OVCH2: variants seen among roughly 807,000 people sequenced by gnomAD.
OVCH2 encodes ovochymase-2.
In OVCH2, 88 loss-of-function variants were observed where a neutral mutation model predicts 73.7. The ratio of observed to expected loss-of-function variants is 1.19; its 90% CI spans 1.01 to 1.43. OVCH2 has a LOEUF of 1.43. Ranked by LOEUF, OVCH2 falls within the 40% of genes most tolerant of loss-of-function variation. The pLI is 0.00. For synonymous variants in OVCH2, 265 were observed against 234.5 expected (o/e 1.13, Z -1.19); for missense variants, 706 against 674.5 (o/e 1.05, Z -0.52).
chr11:7,703,607 C>T, intron 3 of OVCH2, 91 bp downstream of exon 3: 3 of 1,016,050 alleles, frequency 3.0e-6, no homozygotes, highest in Non-Finnish European at 4.2e-6. Flanking sequence ...ACCTATCACA[C>T]AGGTCCATGT....
intron 12 of OVCH2, among the ~76,000 whole-genome samples, 182 bp downstream of exon 12, chr11:7,694,876 G>A (rs929897818): frequency 2.0e-5 from 3 of 149,740 alleles, no homozygotes; most frequent in African/African-American, 4.9e-5. Flanking sequence ...TAGTTGCAGG[G>A]GAAACTGGGC....
At chr11:7,695,944 T>A (rs4132089) in intron 10 of OVCH2, among the ~76,000 whole-genome samples, 3 of 152,232 alleles carry the variant, frequency 2.0e-5, no homozygotes, top group South Asian at 4.1e-4. Context: ...ATTCCTGCCC[T>A]TGTGACAACT....
chr11:7,701,349 G>A lies in OVCH2; in HGVS notation c.686C>T (p.Pro229Leu), dbSNP rs930255939. 1.2e-6 allele frequency: 2 copies of A among 1,613,126 alleles called. No individual in the cohort carries two copies. The highest frequency in any genetic ancestry group is 8.5e-7 in the Non-Finnish European group (1 of 1,179,632). ...CTGACATGCGTCTCTCCCTCCATCA[G>A]GAAAACCTGTGCAAAGAAAGGTCTT... ...SGKTFLCTGF[P>L]DGGRDACQGD... Residue 229 changes from proline (P) to leucine (L), a missense_variant, in exon 6 of 16, where the codon CCT (proline) becomes CTT (leucine). By Grantham distance (98) the Pro-to-Leu change is moderately conservative. Coordinates refer to ENST00000533663, the MANE Select transcript of OVCH2 (RefSeq NM_198185.7).
downstream of OVCH2, among the ~76,000 whole-genome samples, chr11:7,686,329 T>C (rs538710712): frequency 6.6e-6 from 1 of 152,308 alleles, no homozygotes; most frequent in South Asian, 2.1e-4. Context: ...AGTTAATTCA[T>C]ATGCAACGTT....
chr11:7,703,566 A>G, intron 3 of OVCH2, 132 bp downstream of exon 3: 2 of 657,786 alleles, frequency 3.0e-6, no homozygotes, highest in South Asian at 2.4e-5. Flanking sequence ...GTGTCATGCA[A>G]TTAGGATATT....
At chr11:7,679,760 C>T in the OVCH2 span, among the ~76,000 whole-genome samples, 1 of 152,218 alleles carries the variant, frequency 6.6e-6, no homozygotes, top group Non-Finnish European at 1.5e-5. Context: ...ATGGAACCTT[C>T]AGCATCCCAC....
downstream of OVCH2, among the ~76,000 whole-genome samples, chr11:7,685,804 C>T (rs1856136424): frequency 6.6e-6 from 1 of 152,222 alleles, no homozygotes; most frequent in South Asian, 2.1e-4. Flanking sequence ...CTCAGCTAGG[C>T]ATGTCACAGG....
At chr11:7,704,795 C>G in intron 1 of OVCH2, 121 bp from the exon 2 acceptor site, 1 of 627,204 alleles carries the variant, frequency 1.6e-6, no homozygotes, top group Non-Finnish European at 2.8e-6. Flanking sequence ...AGCACACATT[C>G]AGATATCAAT....
At chr11:7,687,136 CA>C (rs544134370), downstream of OVCH2, among the ~76,000 whole-genome samples, 976 of 147,740 alleles carry the variant, frequency 6.6e-3, 12 homozygotes, top group African/African-American at 0.024. Flanking sequence ...CCCAACCCCG[CA>C]AAAAAAAAGA....
chr11:7,705,989 T>G (rs1856522882), intron 1 of OVCH2, among the ~76,000 whole-genome samples: 1 of 152,186 alleles, frequency 6.6e-6, no homozygotes, highest in Admixed American at 6.5e-5. Flanking sequence ...TTTCCAGAAT[T>G]TGCTCTATGA....
chr11:7,706,255 T>C (rs1313617544), intron 1 of OVCH2, 52 bp downstream of exon 1: 3 of 1,505,130 alleles, frequency 2.0e-6, no homozygotes, highest in South Asian at 1.3e-5. Flanking sequence ...GTGACGTCCA[T>C]TGCCAGCAAA....
At chr11:7,685,547 G>C (rs1461658565), downstream of OVCH2, among the ~76,000 whole-genome samples, 1 of 150,750 alleles carries the variant, frequency 6.6e-6, no homozygotes, top group Non-Finnish European at 1.5e-5. Flanking sequence ...ATTTTCCTTA[G>C]GTTGTCTTCC....
Position 7,698,705 on chromosome 11 carries a change from T to C in OVCH2, c.925+45A>G, listed in dbSNP as rs779254900. On this transcript the variant is annotated intron_variant, in intron 8 of 15. Coordinates refer to ENST00000533663, the MANE Select transcript of OVCH2 (RefSeq NM_198185.7). ...GGAACTGATATTCAGAAATGCTAGA[T>C]GTTAATTTGTGCTCCTGATGGAGCA... The C allele has an allele frequency of 3.8e-6, 6 of 1,588,870 alleles. No individual in the cohort carries two copies. The African/African-American group carries it at 8.1e-5, about 21-fold the overall frequency.
chr11:7,691,193 G>T, intron 14 of OVCH2, 76 bp downstream of exon 14: 2 of 1,492,918 alleles, frequency 1.3e-6, no homozygotes, highest in African/African-American at 1.4e-5. Context: ...TCTCTGTGTT[G>T]GGCTCTAAAG....
At chr11:7,698,794 T>A (rs764088511) in intron 7 of OVCH2, 21 bp from the exon 8 acceptor site, 1 of 1,612,134 alleles carries the variant, frequency 6.2e-7, no homozygotes, top group Non-Finnish European at 8.5e-7. Context: ...AAAAGAAGGA[T>A]GCAATTGAAA....
At chr11:7,685,589 C>T (rs1453920318), downstream of OVCH2, among the ~76,000 whole-genome samples, 2 of 149,170 alleles carry the variant, frequency 1.3e-5, no homozygotes, top group Non-Finnish European at 3.0e-5. Flanking sequence ...AGGCAGCTTT[C>T]TCAGATAACT....
At chr11:7,700,525 G>T in intron 6 of OVCH2, 40 bp from the exon 7 acceptor site, 1 of 1,550,370 alleles carries the variant, frequency 6.5e-7, no homozygotes, top group Middle Eastern at 1.8e-4. Flanking sequence ...CACTGTCAGT[G>T]TCTATGCCCC....
At position 7,706,462 on chromosome 11, in the gene OVCH2, G is replaced by C. The variant is rs960224253; in HGVS notation, c.-68C>G. On this transcript the variant is annotated 5_prime_UTR_variant, in exon 1 of 16. Coordinates refer to ENST00000533663, the MANE Select transcript of OVCH2 (RefSeq NM_198185.7). Reference sequence around the variant, plus strand: ...AGCAAACAAAAATAGGAAGCCTTGAGAGACCAGCAATAAGCCAATTTAAAA... The same window carrying C: ...AGCAAACAAAAATAGGAAGCCTTGACAGACCAGCAATAAGCCAATTTAAAA... 1.3e-6 allele frequency: 2 copies of C among 1,510,216 alleles called. No individual in the cohort carries two copies. Among genetic ancestry groups the C allele is most frequent in the African/African-American group, 1.4e-5 (1 of 70,998 alleles). The allele number at this position is 1,510,216 out of a possible 1,614,324, so 93.6% of individuals were successfully genotyped here. A position where few individuals can be genotyped will look rare whatever the true frequency, so the allele number is the denominator to read the frequency against.
At chr11:7,678,931 G>C in the OVCH2 span, among the ~76,000 whole-genome samples, 28 of 152,294 alleles carry the variant, frequency 1.8e-4, no homozygotes, top group South Asian at 5.8e-3. Flanking sequence ...GCACCCTCTG[G>C]ATCTAAAATA....
Sources: allele counts gnomAD v4.1 joint callset (sites outside exome capture counted in the v4.1 genomes callset), GRCh38; gene constraint gnomAD v4.1.1; transcripts MANE v1.5; gene names NCBI Gene and HGNC (gene_info 2026-07-23, HGNC 2026-07-21).